CCNK: variants seen among roughly 807,000 people sequenced by gnomAD.
CCNK encodes the protein cyclin K, also known as cyclin-K.
Under a neutral mutation model 65.0 loss-of-function variants are expected in CCNK, and 9 were observed. The observed-to-expected ratio is 0.14, with a 90% CI of 0.08 to 0.24. CCNK has a LOEUF of 0.24. Ranked by LOEUF, CCNK falls within the 10% of genes least tolerant of loss-of-function variation. The pLI, the probability that CCNK is intolerant of heterozygous loss-of-function variation, is 1.00. For missense variants in CCNK, 474 were observed against 720.0 expected (o/e 0.66, Z 3.91); for synonymous variants, 279 against 270.8 (o/e 1.03, Z -0.30).
At chr14:99,506,927 A>G in intron 9 of CCNK, 149 bp from the exon 10 acceptor site, 1 of 668,222 alleles carries the variant, frequency 1.5e-6, no homozygotes, top group South Asian at 1.7e-5. Context: ...ATAATGGTTT[A>G]GCTGAAACCT....
chr14:99,493,472 C>T lies in CCNK; in HGVS notation c.198-42C>T, dbSNP rs149058411. The T allele has an allele frequency of 7.1e-5, 89 of 1,257,410 alleles. No individual in the cohort carries two copies. The African/African-American group carries it at 1.3e-3, about 18-fold the overall frequency. 77.9% of individuals were successfully genotyped at this position (1,257,410 alleles called of 1,614,324 possible). ...TTTCTACATTTAACTAAGAGTATAACCTGTAAAAGTTATTGGTTAGAGTCC... is the reference window on the plus strand; with the variant it reads ...TTTCTACATTTAACTAAGAGTATAATCTGTAAAAGTTATTGGTTAGAGTCC... On this transcript the variant is annotated intron_variant, in intron 2 of 10. Coordinates refer to ENST00000389879, the MANE Select transcript of CCNK (RefSeq NM_001099402.2).
intron 8 of CCNK, 97 bp downstream of exon 8, chr14:99,503,081 C>T (rs189193359): frequency 1.4e-5 from 19 of 1,364,512 alleles, no homozygotes; most frequent in Admixed American, 5.0e-5. Flanking sequence ...CAGGGAACAC[C>T]GGAAGCAGGG....
chr14:99,510,455 C>G lies in CCNK; in HGVS notation c.1416C>G (p.Pro472=). The change falls in exon 11 of 11, where the codon CCC becomes CCG. Residue 472 remains proline (P), a synonymous_variant. Transcript: ENST00000389879. ...PPAYGPPAHL[P]YHPHVYPPNP... ...CCTACGGCCCACCTGCACACCTGCC[C>G]TACCACCCCCATGTCTACCCGCCCA... The G allele has an allele frequency of 2.6e-6, 4 of 1,533,974 alleles. No homozygotes were observed. The highest frequency in any genetic ancestry group is 3.5e-6 in the Non-Finnish European group (4 of 1,138,234).
chr14:99,495,708 C>A, intron 4 of CCNK, 79 bp downstream of exon 4: 3 of 1,286,002 alleles, frequency 2.3e-6, no homozygotes, highest in South Asian at 1.7e-5. Context: ...GTTGACAGTG[C>A]CTGTAGCCCT....
At chr14:99,497,031 C>G (rs1238076551) in intron 4 of CCNK, among the ~76,000 whole-genome samples, 1 of 146,808 alleles carries the variant, frequency 6.8e-6, no homozygotes, top group African/African-American at 2.5e-5. Flanking sequence ...CAGCTTCCCC[C>G]ATTTTCAGCA....
rs1364550302 is a variant in CCNK at position 99,503,806 on chromosome 14, T to G, written c.1045+162T>G. On this transcript the variant is annotated intron_variant, in intron 9 of 10. Transcript: ENST00000389879. ...CAGCATTGTCTTTCTGTTCATCACC[T>G]GATCATAGATTCTAAAATTGTGCTC... 4.9e-6 allele frequency: 3 copies of G among 611,680 alleles called. No homozygotes were observed. In the East Asian group the frequency reaches 8.3e-5, roughly 17 times the overall value. The allele number at this position is 611,680 out of a possible 1,614,324, so 37.9% of individuals were successfully genotyped here.
chr14:99,496,930 CT>C (rs146560564), intron 4 of CCNK, among the ~76,000 whole-genome samples: 19 of 129,674 alleles, frequency 1.5e-4, no homozygotes, highest in Non-Finnish European at 1.3e-4. Flanking sequence ...AAAAAAAATG[CT>C]TTTTTTTTTT....
At chr14:99,492,901 T>C in intron 2 of CCNK, 27 bp downstream of exon 2, 2 of 1,541,628 alleles carry the variant, frequency 1.3e-6, no homozygotes, top group Non-Finnish European at 1.7e-6. Context: ...TGGAATCTGT[T>C]ACAGATAGGC....
At chr14:99,502,579 C>T in intron 7 of CCNK, 140 bp from the exon 8 acceptor site, 1 of 1,197,778 alleles carries the variant, frequency 8.3e-7, no homozygotes, top group Non-Finnish European at 1.2e-6. Flanking sequence ...ACCAGTGTTG[C>T]ACACAACGAA....
At chr14:99,496,915 G>GAA (rs144282507) in intron 4 of CCNK, among the ~76,000 whole-genome samples, 1 of 112,064 alleles carries the variant, frequency 8.9e-6, no homozygotes, top group African/African-American at 3.4e-5. Flanking sequence ...TCCACCTCAA[G>GAA]AAAAAAAAAA....
chr14:99,494,450 A>G (rs1250670956), intron 3 of CCNK: 1 of 152,166 alleles, frequency 6.6e-6, no homozygotes, highest in East Asian at 1.9e-4. Context: ...CATTGTGTTG[A>G]TTTGTTAGCT....
intron 1 of CCNK, among the ~76,000 whole-genome samples, chr14:99,491,513 C>T (rs1391578571): frequency 2.6e-5 from 4 of 152,184 alleles, no homozygotes; most frequent in East Asian, 1.9e-4. Context: ...TGGTCTCCCC[C>T]GCCCTTTGAA....
Position 99,506,886 on chromosome 14 carries a change from G to T in CCNK, c.1046-190G>T, listed in dbSNP as rs1206581736. On this transcript the variant is annotated intron_variant, in intron 9 of 10. Transcript: ENST00000389879. Reference sequence around the variant, plus strand: ...AAGCTCGCAGGTCTTTTGGAGGGAGGTGGCATTTAATTTGTTAACAGGATT... The same window carrying T: ...AAGCTCGCAGGTCTTTTGGAGGGAGTTGGCATTTAATTTGTTAACAGGATT... 2.6e-5 allele frequency: 15 copies of T among 569,026 alleles called. No individual in the cohort carries two copies. In the South Asian group the frequency reaches 3.0e-4, roughly 12 times the overall value. The allele number at this position is 569,026 out of a possible 1,614,324, so 35.2% of individuals were successfully genotyped here. A position where few individuals can be genotyped will look rare whatever the true frequency, so the allele number is the denominator to read the frequency against.
At chr14:99,482,750 A>C (rs1364301281) in intron 1 of CCNK, among the ~76,000 whole-genome samples, 1 of 152,226 alleles carries the variant, frequency 6.6e-6, no homozygotes, top group East Asian at 1.9e-4. Flanking sequence ...GAGGTTCTTA[A>C]ATTTTAAATG....
chr14:99,504,829 A>G (rs1327772936), intron 9 of CCNK: 2 of 152,282 alleles, frequency 1.3e-5, no homozygotes, highest in Non-Finnish European at 2.9e-5. Context: ...TCCATGCCAC[A>G]TGAAATGCAA....
At chr14:99,509,913 T>G (rs1897077650) in intron 10 of CCNK, 8 of 563,344 alleles carry the variant, frequency 1.4e-5, no homozygotes, top group Admixed American at 1.3e-4. Context: ...GTAGGTGGTG[T>G]GGTCAGGGCT....
intron 9 of CCNK, chr14:99,506,359 CCTT>C (rs1265646793): frequency 2.0e-5 from 3 of 152,272 alleles, no homozygotes; most frequent in African/African-American, 7.2e-5. Flanking sequence ...GTGCACGCTG[CCTT>C]CTTAAACGGA....
intron 2 of CCNK, 44 bp downstream of exon 2, chr14:99,492,918 C>G: frequency 6.9e-7 from 1 of 1,448,772 alleles, no homozygotes; most frequent in Non-Finnish European, 9.3e-7. Flanking sequence ...AGGCTCCCCA[C>G]TCACCACCAA....
chr14:99,495,381 TAAAA>T (rs1267311944), intron 3 of CCNK, 113 bp from the exon 4 acceptor site: 23 of 837,294 alleles, frequency 2.7e-5, no homozygotes, highest in Non-Finnish European at 4.0e-5. Context: ...TTGTGAATGA[TAAAA>T]AGAAAGGTAG....
Sources: gnomAD v4.1 joint callset for allele counts (sites outside exome capture counted in the v4.1 genomes callset) on GRCh38, gnomAD v4.1.1 for gene constraint, MANE v1.5 for transcripts, NCBI Gene and HGNC (gene_info 2026-07-23, HGNC 2026-07-21) for gene names.